The following NECTIN2 variants were observed in gnomAD, a reference collection of about 807,000 sequenced individuals.
NECTIN2 encodes the protein nectin-2.
NECTIN2 carries 23 observed loss-of-function variants against 56.9 expected under a neutral mutation model. The ratio of observed to expected loss-of-function variants is 0.40; its 90% CI spans 0.29 to 0.57. NECTIN2 has a LOEUF of 0.57. Among genes scored for constraint, NECTIN2 ranks in the 20% least tolerant of loss-of-function variants. NECTIN2 has a pLI of 0.38. For missense variants in NECTIN2, 587 were observed against 718.3 expected, an observed-to-expected ratio of 0.82 and a Z score of 2.09; for synonymous variants, 302 against 313.8, an observed-to-expected ratio of 0.96 and a Z score of 0.40.
rs1352740667 is a variant in NECTIN2 at position 44,888,388 on chromosome 19, GC to G, written c.*10del. 6.2e-7 allele frequency: 1 copy of G among 1,605,282 alleles called. No individual in the cohort carries two copies. Among genetic ancestry groups the G allele is most frequent in the Admixed American group, 1.7e-5 (1 of 59,810 alleles). Reference sequence around the variant, plus strand: ...GGGCCATGTATGTGTGAGCTGCCATGCGCCTGGCGTCTCACATCTCACCTGT... The same window carrying G: ...GGGCCATGTATGTGTGAGCTGCCATGGCCTGGCGTCTCACATCTCACCTGT... On this transcript the variant is annotated 3_prime_UTR_variant, in exon 9 of 9. Transcript: ENST00000252483.
intron 1 of NECTIN2, among the ~76,000 whole-genome samples, chr19:44,863,067 C>G (rs1168523040): frequency 2.0e-5 from 3 of 150,900 alleles, no homozygotes; most frequent in Non-Finnish European, 4.4e-5. Context: ...GAGGCTGAGG[C>G]AGGAGAATTG....
chr19:44,883,090 T>C (rs1314994049), intron 6 of NECTIN2, among the ~76,000 whole-genome samples: 1 of 152,120 alleles, frequency 6.6e-6, no homozygotes, highest in Non-Finnish European at 1.5e-5. Context: ...CAGTTGTTAA[T>C]AAAAGAAGAA....
chr19:44,878,274 TG>T (rs781127605), intron 5 of NECTIN2: 42 of 1,112,350 alleles, frequency 3.8e-5, no homozygotes, highest in Non-Finnish European at 4.6e-5. Flanking sequence ...TGGGGGGCCG[TG>T]GGGGGGACAC....
At chr19:44,846,907 C>T (rs1180919915) in intron 1 of NECTIN2, among the ~76,000 whole-genome samples, 2 of 152,042 alleles carry the variant, frequency 1.3e-5, no homozygotes, top group South Asian at 2.1e-4. Flanking sequence ...ATTCCCGCGC[C>T]GAAAGGGTTA....
At chr19:44,872,595 C>T (rs569342709) in intron 3 of NECTIN2, among the ~76,000 whole-genome samples, 72 of 152,070 alleles carry the variant, frequency 4.7e-4, no homozygotes, top group African/African-American at 1.5e-3. Flanking sequence ...CCATGGACCC[C>T]GGTTGACACT....
rs898357784 is a variant in NECTIN2, at chr19:44,868,987, C to G, written c.479-2866C>G. Among the ~76,000 whole-genome samples the G allele has an allele frequency of 2.0e-5, 3 of 152,152 alleles. No individual in the cohort carries two copies. The East Asian group carries it at 5.8e-4, about 29-fold the overall frequency. The stretch of plus-strand genomic sequence containing the variant: ...GCAACTTCCCAGAAGCCACGTCACT[C>G]TGGATGCCTTTTCTTCCCCCTTCTC... On this transcript the variant is annotated intron_variant, in intron 2 of 8. Transcript: ENST00000252483.
rs34803447 is a variant in NECTIN2 at position 44,857,235 on chromosome 19, C to CTTTTT, written c.89-8023_89-8019dup. Among the ~76,000 whole-genome samples the CTTTTT allele has an allele frequency of 6.2e-5, 8 of 128,440 alleles. 1 individual carries two copies. Among genetic ancestry groups the CTTTTT allele is most frequent in the South Asian group, 2.4e-4 (1 of 4,102 alleles). 84.3% of individuals were successfully genotyped at this position (128,440 alleles called of 152,430 possible). On this transcript the variant is annotated intron_variant, in intron 1 of 8. Coordinates refer to ENST00000252483, the MANE Select transcript of NECTIN2 (RefSeq NM_001042724.2). ...TTGACTAGCTGTGATTACAAGTGGA[C>CTTTTT]TTTTTTTTTTTTTTTTTGAGACAGG...
chr19:44,860,834 A>T (rs981080156), intron 1 of NECTIN2, among the ~76,000 whole-genome samples: 1 of 151,774 alleles, frequency 6.6e-6, no homozygotes, highest in Non-Finnish European at 1.5e-5. Context: ...CAAGTGGCCC[A>T]CCCACCTCGG....
At chr19:44,866,336 T>C (rs956747166) in intron 2 of NECTIN2, among the ~76,000 whole-genome samples, 1 of 151,556 alleles carries the variant, frequency 6.6e-6, no homozygotes, top group Non-Finnish European at 1.5e-5. Flanking sequence ...GACCAGGAAT[T>C]TGAGGCTGCG....
chr19:44,868,795 C>T (rs1223641713), intron 2 of NECTIN2, among the ~76,000 whole-genome samples: 1 of 151,878 alleles, frequency 6.6e-6, no homozygotes, highest in East Asian at 1.9e-4. Context: ...TGCCTTAGTC[C>T]CAGCTACTCG....
intron 5 of NECTIN2, among the ~76,000 whole-genome samples, chr19:44,880,043 G>A (rs556793883): frequency 6.6e-5 from 10 of 152,306 alleles, no homozygotes; most frequent in Non-Finnish European, 1.3e-4. Flanking sequence ...GCTGTGGAAC[G>A]GGAGCAGTGG....
intron 8 of NECTIN2, among the ~76,000 whole-genome samples, chr19:44,887,876 G>C (rs1969378092): frequency 6.6e-6 from 1 of 152,096 alleles, no homozygotes; most frequent in Admixed American, 6.6e-5. Context: ...TGCAGAGATC[G>C]AGTGTCAAAA....
At position 44,874,453 on chromosome 19, in the gene NECTIN2, C is replaced by T. The variant is rs1169901675; in HGVS notation, c.1017C>T (p.Arg339=). Residue 339 remains arginine, a synonymous_variant, in exon 5 of 9, where the codon CGC becomes CGT. Coordinates refer to ENST00000252483, the MANE Select transcript of NECTIN2 (RefSeq NM_001042724.2). The surrounding 1 kb of genome is among the most constrained non-coding windows in gnomAD (Gnocchi z 6.3). ...TCACCAATGCCGTGGGCATGGGCCG[C>T]GCTGAGCAGGTCATCTTTGTCCGAG... ...CTVTNAVGMG[R]AEQVIFVRET... 7.4e-6 allele frequency: 12 copies of T among 1,613,848 alleles called. No individual in the cohort carries two copies. Among genetic ancestry groups the T allele is most frequent in the East Asian group, 2.2e-5 (1 of 44,888 alleles).
chr19:44,880,079 G>A (rs1032776555), intron 5 of NECTIN2, among the ~76,000 whole-genome samples: 9 of 152,166 alleles, frequency 5.9e-5, no homozygotes, highest in African/African-American at 1.9e-4. Context: ...GCGTCCTCTG[G>A]AAGCTTCCTC....
chr19:44,875,202 CAGG>C lies in NECTIN2; in HGVS notation c.1042+729_1042+731del, dbSNP rs1234353781. Among the ~76,000 whole-genome samples, 1 of 152,214 alleles carries C rather than the reference CAGG, an allele frequency of 6.6e-6. No homozygotes were observed. Among genetic ancestry groups the C allele is most frequent in the Non-Finnish European group, 1.5e-5 (1 of 68,042 alleles). ...ACCCATTGTCACCAAGACACACACC[CAGG>C]AGGACAGTGGCACCAGCCAAGATAG... On this transcript the variant is annotated intron_variant, in intron 5 of 8. Transcript: ENST00000252483. The surrounding 1 kb of genome is among the most constrained non-coding windows in gnomAD (Gnocchi z 4.2).
Position 44,888,410 on chromosome 19 carries a change from C to A in NECTIN2, c.*31C>A, listed in dbSNP as rs1436015594. 1 of 1,592,728 alleles carries A rather than the reference C, an allele frequency of 6.3e-7. No individual in the cohort carries two copies. The highest frequency in any genetic ancestry group is 8.6e-7 in the Non-Finnish European group (1 of 1,165,130). On this transcript the variant is annotated 3_prime_UTR_variant, in exon 9 of 9. Coordinates refer to ENST00000252483, the MANE Select transcript of NECTIN2 (RefSeq NM_001042724.2). ...CATGCGCCTGGCGTCTCACATCTCACCTGTTGATCCCTTAGCTTTCTTGCC... is the reference window on the plus strand; with the variant it reads ...CATGCGCCTGGCGTCTCACATCTCAACTGTTGATCCCTTAGCTTTCTTGCC...
intron 1 of NECTIN2, among the ~76,000 whole-genome samples, chr19:44,863,473 TC>T (rs1969057436): frequency 6.6e-6 from 1 of 152,182 alleles, no homozygotes; most frequent in African/African-American, 2.4e-5. Context: ...TGTTTGCTAT[TC>T]AGGTGATAGA....
At chr19:44,857,190 A>G (rs1288374362) in intron 1 of NECTIN2, among the ~76,000 whole-genome samples, 1 of 151,228 alleles carries the variant, frequency 6.6e-6, no homozygotes, top group East Asian at 1.9e-4. Context: ...TGTGGATTCA[A>G]GTTGCCCCAA....
intron 6 of NECTIN2, among the ~76,000 whole-genome samples, chr19:44,885,307 C>CTTTTTTTTTT (rs34485333): frequency 8.9e-6 from 1 of 112,902 alleles, no homozygotes; most frequent in Non-Finnish European, 1.9e-5. Flanking sequence ...ATCTTTCTTT[C>CTTTTTTTTTT]TTTTTTTTTT....
Sources: gnomAD v4.1 joint callset for allele counts (sites outside exome capture counted in the v4.1 genomes callset) on GRCh38, gnomAD v4.1.1 for gene constraint, Gnocchi (gnomAD v3.1) non-coding constraint, MANE v1.5 for transcripts, NCBI Gene and HGNC (gene_info 2026-07-23, HGNC 2026-07-21) for gene names.